NAA38: variants seen among roughly 807,000 people sequenced by gnomAD.
The protein encoded by NAA38 is LSM domain containing 1.
A neutral mutation model predicts 12.6 loss-of-function variants in NAA38; 15 were observed. That is an observed-to-expected ratio of 1.19 (90% CI 0.79 to 1.83). NAA38 has a LOEUF of 1.83. NAA38 is among the 40% of genes most tolerant of loss of function. NAA38 has a pLI of 0.00. For missense variants in NAA38, 183 were observed against 171.7 expected (o/e 1.07, Z -0.37); for synonymous variants, 88 against 69.9 (o/e 1.26, Z -1.29).
chr17:7,877,792 A>G (rs1283202496), intron 2 of NAA38, among the ~76,000 whole-genome samples: 1 of 152,204 alleles, frequency 6.6e-6, no homozygotes, highest in Non-Finnish European at 1.5e-5. Context: ...AATAACAGTA[A>G]TATATGTGAC....
intron 3 of NAA38, chr17:7,866,232 G>A (rs1415635932): frequency 1.6e-5 from 4 of 246,490 alleles, no homozygotes; most frequent in Non-Finnish European, 3.0e-5. Flanking sequence ...GACTACAGAT[G>A]CCCGCCACCA....
Position 7,879,368 on chromosome 17 carries a change from C to T in NAA38, c.-66+3867G>A, listed in dbSNP as rs908492779. Among the ~76,000 whole-genome samples, 40 of 152,144 alleles carry T rather than the reference C, an allele frequency of 2.6e-4. 1 individual carries two copies. The highest frequency in any genetic ancestry group is 4.4e-5 in the Non-Finnish European group (3 of 68,042). ...ATCACTGATTATCACTGGTTCCCTA[C>T]ATCAGAGTTTTAACCTGGGGTCCAA... is the stretch of plus-strand genomic sequence containing the variant. On this transcript the variant is annotated intron_variant, in intron 2 of 4. Transcript: ENST00000576861.
chr17:7,869,949 G>A (rs1165125262), intron 2 of NAA38, among the ~76,000 whole-genome samples: 1 of 152,050 alleles, frequency 6.6e-6, no homozygotes, highest in Non-Finnish European at 1.5e-5. Context: ...GAACAACTGG[G>A]GCTTGAAAAC....
intron 2 of NAA38, among the ~76,000 whole-genome samples, chr17:7,869,543 C>CT (rs1015769742): frequency 6.6e-6 from 1 of 152,156 alleles, no homozygotes; most frequent in Non-Finnish European, 1.5e-5. Flanking sequence ...GGGTGGATCA[C>CT]TTCAGGTCAG....
intron 1 of NAA38, among the ~76,000 whole-genome samples, chr17:7,884,152 G>T (rs940069521): frequency 2.0e-5 from 3 of 151,492 alleles, no homozygotes; most frequent in African/African-American, 7.3e-5. Flanking sequence ...TTATGAAAAA[G>T]GAGAAATTTG....
chr17:7,884,944 C>G (rs1259529362), intron 1 of NAA38: 17 of 1,389,970 alleles, frequency 1.2e-5, no homozygotes, highest in Non-Finnish European at 5.7e-6. Context: ...ATGAGGAGGA[C>G]GACGACGAGG....
At chr17:7,859,053 G>T (rs2078861396), upstream of NAA38, 1 of 571,466 alleles carries the variant, frequency 1.7e-6, no homozygotes, top group East Asian at 2.9e-5. Flanking sequence ...GGGAACAGCA[G>T]TTCATGTATC....
upstream of NAA38, chr17:7,857,901 T>C: frequency 4.3e-6 from 6 of 1,410,744 alleles, no homozygotes; most frequent in Non-Finnish European, 5.5e-6. Context: ...TACTTGATCC[T>C]TATATGCCCC....
At chr17:7,875,008 C>T (rs1404482612) in intron 2 of NAA38, among the ~76,000 whole-genome samples, 1 of 151,174 alleles carries the variant, frequency 6.6e-6, no homozygotes, top group Admixed American at 6.6e-5. Context: ...CCAATTTGAA[C>T]GACACAGCGA....
chr17:7,874,890 A>C (rs1164363306), intron 2 of NAA38, among the ~76,000 whole-genome samples: 1 of 145,404 alleles, frequency 6.9e-6, no homozygotes, highest in Non-Finnish European at 1.5e-5. Flanking sequence ...CATCTCAAAA[A>C]AAAAAAAAAA....
intron 3 of NAA38, chr17:7,864,778 A>G (rs1376116579): frequency 2.0e-5 from 3 of 151,996 alleles, no homozygotes; most frequent in Admixed American, 2.0e-4. Context: ...AGTGCCTATA[A>G]TCTCAGCTAC....
chr17:7,862,739 A>T (rs893483739), upstream of NAA38: 5 of 75,750 alleles, frequency 6.6e-5, no homozygotes, highest in Middle Eastern at 0.011. Flanking sequence ...AACTCCATCT[A>T]AAAAAAAAAA....
intron 2 of NAA38, among the ~76,000 whole-genome samples, chr17:7,870,884 A>C (rs1597880310): frequency 8.1e-6 from 1 of 124,196 alleles, no homozygotes; most frequent in Non-Finnish European, 1.6e-5. Flanking sequence ...GCAAGACTCC[A>C]CCTCAAAAAA....
At chr17:7,877,228 C>G (rs1248266191) in intron 2 of NAA38, 1 of 201,160 alleles carries the variant, frequency 5.0e-6, no homozygotes, top group Non-Finnish European at 1.0e-5. Flanking sequence ...AACAATCCCC[C>G]TTGACTATTT....
chr17:7,877,140 CAATGAAGCTACTT>C (rs1967188465), intron 2 of NAA38: 1 of 327,638 alleles, frequency 3.1e-6, no homozygotes. Flanking sequence ...CTAACGTAAT[CAATGAAGCTACTT>C]AATTTTGTTT....
At chr17:7,885,043 G>GCCGCCACCGCTGCCC in intron 1 of NAA38, 1 of 1,088,848 alleles carries the variant, frequency 9.2e-7, no homozygotes, top group Non-Finnish European at 1.1e-6. Flanking sequence ...CGCCGCCGCC[G>GCCGCCACCGCTGCCC]CCGCCACCGC....
intron 1 of NAA38, among the ~76,000 whole-genome samples, chr17:7,883,909 T>C (rs940064391): frequency 6.6e-6 from 1 of 151,740 alleles, no homozygotes; most frequent in Non-Finnish European, 1.5e-5. Flanking sequence ...AAAAATTAAA[T>C]CTAGTTGGAC....
chr17:7,859,082 C>T, upstream of NAA38: 3 of 568,734 alleles, frequency 5.3e-6, no homozygotes, highest in Non-Finnish European at 9.3e-6. Context: ...GGTGGTCCTT[C>T]GAAGCTCTTA....
In NAA38 at chr17:7,857,439, G is replaced by C. The variant is rs2078835159; in HGVS notation, c.25C>G (p.Leu9Val). The change falls in exon 1 of 3, where the codon CTG becomes GTG. Residue 9 changes from leucine (L) to valine (V), a missense_variant. Physicochemically the swap from Leu to Val is conservative, Grantham distance 32. Transcript: ENST00000575771. ...CAACAGCCATTCTCTTCTCGTAGCAGCATGGTCGGTCCAGCTCCGGCCATT... is the reference window on the plus strand; with the variant it reads ...CAACAGCCATTCTCTTCTCGTAGCACCATGGTCGGTCCAGCTCCGGCCATT... MAGAGPTM[L>V]LREENGCCSR... 6.3e-7 allele frequency: 1 copy of C among 1,581,020 alleles called. No homozygotes were observed. The highest frequency in any genetic ancestry group is 1.9e-5 in the Admixed American group (1 of 52,816).
Sources: allele counts gnomAD v4.1 joint callset (sites outside exome capture counted in the v4.1 genomes callset), GRCh38; gene constraint gnomAD v4.1.1; transcripts MANE v1.5; gene names NCBI Gene and HGNC (gene_info 2026-07-23, HGNC 2026-07-21).